OTOF: variants seen among roughly 807,000 people sequenced by gnomAD.
OTOF encodes the protein otoferlin, also known as fer-1-like family member 2.
OTOF carries 218 observed loss-of-function variants against 236.8 expected under a neutral mutation model. The ratio of observed to expected loss-of-function variants is 0.92; its 90% CI spans 0.82 to 1.03. The LOEUF (loss-of-function observed/expected upper bound fraction) is 1.03, where lower values mean the gene tolerates loss of function less well. Ranked by LOEUF, OTOF falls within the 50% of genes least tolerant of loss-of-function variation. OTOF has a pLI of 0.00. For synonymous variants in OTOF, 1,041 were observed against 1,072.5 expected (o/e 0.97, Z 0.57); for missense variants, 2,590 against 2,694.4 (o/e 0.96, Z 0.86).
chr2:26,539,666 C>T (rs926310805), intron 1 of OTOF, among the ~76,000 whole-genome samples: 3 of 152,124 alleles, frequency 2.0e-5, no homozygotes, highest in East Asian at 3.9e-4. Flanking sequence ...ACCCAGGAGG[C>T]GGAGGTTGTG....
chr2:26,458,186 G>A lies in OTOF; in HGVS notation c.*52C>T. 1 of 1,611,366 alleles carries A rather than the reference G, an allele frequency of 6.2e-7. No individual in the cohort carries two copies. The highest frequency in any genetic ancestry group is 8.5e-7 in the Non-Finnish European group (1 of 1,178,726). ...ATGAGGTACTTGATGGACTTGAGAG[G>A]GTTGAGGAACCAGACGAAGGCCGTG... On this transcript the variant is annotated 3_prime_UTR_variant, in exon 47 of 47. Transcript: ENST00000272371.
At chr2:26,553,559 T>G (rs1021938774) in intron 1 of OTOF, among the ~76,000 whole-genome samples, 1 of 152,166 alleles carries the variant, frequency 6.6e-6, no homozygotes, top group Non-Finnish European at 1.5e-5. Context: ...TTCTCCTCTG[T>G]CAGATGGTGA....
chr2:26,509,607 A>G (rs1234489735), intron 5 of OTOF, among the ~76,000 whole-genome samples: 1 of 152,188 alleles, frequency 6.6e-6, no homozygotes, highest in Non-Finnish European at 1.5e-5. Flanking sequence ...TGATCAGTTC[A>G]GACCCCTCAA....
At chr2:26,552,263 G>T (rs1191583595) in intron 1 of OTOF, among the ~76,000 whole-genome samples, 2 of 152,070 alleles carry the variant, frequency 1.3e-5, no homozygotes, top group Non-Finnish European at 2.9e-5. Flanking sequence ...GGTGGTGCGT[G>T]CCTGTAGTCC....
intron 18 of OTOF, among the ~76,000 whole-genome samples, chr2:26,478,256 G>T (rs1363950862): frequency 6.6e-6 from 1 of 152,198 alleles, no homozygotes; most frequent in African/African-American, 2.4e-5. Context: ...CAGCTCCTTA[G>T]GGGGAAGCCT....
intron 5 of OTOF, among the ~76,000 whole-genome samples, chr2:26,512,275 G>T (rs1025960518): frequency 2.0e-5 from 3 of 152,218 alleles, no homozygotes; most frequent in African/African-American, 7.2e-5. Flanking sequence ...CAGTTTAGCT[G>T]CAAGACTAAA....
chr2:26,468,535 C>T (rs1479914058), intron 32 of OTOF, 61 bp from the exon 33 acceptor site: 6 of 1,327,854 alleles, frequency 4.5e-6, no homozygotes, highest in Non-Finnish European at 6.5e-6. Context: ...GTCTGTTGAC[C>T]CCAAATTGTG....
At chr2:26,515,327 C>T (rs924863860) in intron 5 of OTOF, among the ~76,000 whole-genome samples, 3 of 152,224 alleles carry the variant, frequency 2.0e-5, no homozygotes, top group African/African-American at 2.4e-5. Flanking sequence ...GTAGACAGTC[C>T]CGCCATGTTT....
chr2:26,479,180 G>GTCT, intron 18 of OTOF, 84 bp downstream of exon 18: 1 of 1,524,972 alleles, frequency 6.6e-7, no homozygotes, highest in Non-Finnish European at 8.8e-7. Flanking sequence ...GGGCAGACCA[G>GTCT]CTTTGTGTGT....
intron 34 of OTOF, 22 bp downstream of exon 34, chr2:26,467,343 G>T (rs1450030007): frequency 6.2e-7 from 1 of 1,613,732 alleles, no homozygotes; most frequent in Non-Finnish European, 8.5e-7. Context: ...CACCCTAGAA[G>T]GGTCTGCTCC....
At chr2:26,554,599 G>C (rs1667542020) in intron 1 of OTOF, among the ~76,000 whole-genome samples, 1 of 146,410 alleles carries the variant, frequency 6.8e-6, no homozygotes, top group African/African-American at 2.8e-5. Context: ...GGTAGCATAT[G>C]AGCTGGGCCT....
chr2:26,516,385 G>A, intron 5 of OTOF, 33 bp downstream of exon 5: 4 of 1,599,494 alleles, frequency 2.5e-6, no homozygotes, highest in Non-Finnish European at 3.4e-6. Flanking sequence ...TGTCTTGGGA[G>A]CAGTGGGCAG....
chr2:26,465,867 G>C (rs1212947279), intron 37 of OTOF, 25 bp from the exon 38 acceptor site: 1 of 1,614,102 alleles, frequency 6.2e-7, no homozygotes, highest in Non-Finnish European at 8.5e-7. Flanking sequence ...TTAGGAGAAG[G>C]GCTTAAGGAT....
chr2:26,478,792 G>A lies in OTOF; in HGVS notation c.2214+472C>T, dbSNP rs1159551774. On this transcript the variant is annotated intron_variant, in intron 18 of 46. Transcript: ENST00000272371. ...TGGCTCACTGCAAACTCCGCCTCAC[G>A]GGTTCAAGCGATTCTCCTGCTTCAG... Among the ~76,000 whole-genome samples the A allele has an allele frequency of 2.6e-5, 4 of 152,266 alleles. No homozygotes were observed. In the East Asian group the frequency reaches 7.7e-4, roughly 29 times the overall value.
At chr2:26,543,570 A>C (rs1394263523) in intron 1 of OTOF, among the ~76,000 whole-genome samples, 1 of 141,690 alleles carries the variant, frequency 7.1e-6, no homozygotes, top group Non-Finnish European at 1.5e-5. Context: ...GATGAAGCTA[A>C]TTAACTTCTC....
rs573227422 is a variant in OTOF, at chr2:26,502,461, C to T, written c.584-35G>A. 16 of 1,603,028 alleles carry T rather than the reference C, an allele frequency of 1.0e-5. No individual in the cohort carries two copies. In the South Asian group the frequency reaches 1.8e-4, roughly 18 times the overall value. ...ATGAAAGACTGGTTAGGTGGGCTGA[C>T]TGATGGTGAGATAGTGACCATTTCT... On this transcript the variant is annotated intron_variant, in intron 6 of 46. Transcript: ENST00000272371.
chr2:26,484,376 G>C (rs1665648621), intron 12 of OTOF, 98 bp downstream of exon 12: 36 of 1,281,874 alleles, frequency 2.8e-5, no homozygotes, highest in Non-Finnish European at 3.9e-5. Flanking sequence ...GGGTGAGGGA[G>C]ACGGGTGGCA....
chr2:26,521,816 C>T (rs998672857), intron 3 of OTOF, among the ~76,000 whole-genome samples: 16 of 152,254 alleles, frequency 1.1e-4, no homozygotes, highest in Admixed American at 3.9e-4. Context: ...GAGATTCCAC[C>T]TCCTGGCAGC....
rs1271172770 is a variant in OTOF at position 26,460,527 on chromosome 2, G to A, written c.5813+120C>T. ...CAGGGTTGGCAGAGGGCAGGGAGGAGGCTCCCCTGTAATGAGGCTGTGGCC... is the reference window on the plus strand; with the variant it reads ...CAGGGTTGGCAGAGGGCAGGGAGGAAGCTCCCCTGTAATGAGGCTGTGGCC... On this transcript the variant is annotated intron_variant, in intron 45 of 46. Coordinates refer to ENST00000272371, the MANE Select transcript of OTOF (RefSeq NM_194248.3). This position sits in a 1 kb window ranked among gnomAD's most constrained non-coding sequence, Gnocchi z 5.3. The A allele has an allele frequency of 1.6e-5, 13 of 828,438 alleles. No homozygotes were observed. Among genetic ancestry groups the A allele is most frequent in the Non-Finnish European group, 2.6e-5 (13 of 493,870 alleles). 51.3% of individuals were successfully genotyped at this position (828,438 alleles called of 1,614,324 possible).
Sources: gnomAD v4.1 joint callset for allele counts (sites outside exome capture counted in the v4.1 genomes callset) on GRCh38, gnomAD v4.1.1 for gene constraint, Gnocchi (gnomAD v3.1) non-coding constraint, MANE v1.5 for transcripts, NCBI Gene and HGNC (gene_info 2026-07-23, HGNC 2026-07-21) for gene names.